Variants in NLGN1 observed in about 807,000 individuals in gnomAD.
NLGN1 encodes the protein neuroligin 1, also known as neuroligin-1.
NLGN1 carries 12 observed loss-of-function variants against 65.5 expected under a neutral mutation model. That is an observed-to-expected ratio of 0.18 (90% CI 0.12 to 0.30). The LOEUF is 0.30. Ranked by LOEUF, NLGN1 falls within the 10% of genes least tolerant of loss-of-function variation. The pLI, the probability that NLGN1 is intolerant of heterozygous loss-of-function variation, is 1.00. For synonymous variants in NLGN1, 350 were observed against 359.5 expected (o/e 0.97, Z 0.30); for missense variants, 750 against 1,007.1 (o/e 0.74, Z 3.46).
At chr3:173,849,007 C>T (rs1368482022) in intron 4 of NLGN1, among the ~76,000 whole-genome samples, 2 of 152,026 alleles carry the variant, frequency 1.3e-5, no homozygotes, top group Admixed American at 6.6e-5. Flanking sequence ...CTGGAGACTC[C>T]ATAACCTTCT....
In NLGN1 at chr3:174,043,159, C is replaced by G. The variant is rs1732737640; in HGVS notation, c.647-232156C>G. Reference sequence around the variant, plus strand: ...AGCTTTTCCCATGATTCAGTTACCTCCACCTGATCCCTCCCACGACATGTG... The same window carrying G: ...AGCTTTTCCCATGATTCAGTTACCTGCACCTGATCCCTCCCACGACATGTG... On this transcript the variant is annotated intron_variant, in intron 4 of 6. Coordinates refer to ENST00000457714, the Ensembl canonical transcript of NLGN1. 2.0e-5 allele frequency among the ~76,000 whole-genome samples: 3 copies of G among 152,176 alleles called. No homozygotes were observed. In the South Asian group the frequency reaches 6.2e-4, roughly 32 times the overall value.
intron 4 of NLGN1, among the ~76,000 whole-genome samples, chr3:173,876,073 GT>G (rs988918624): frequency 1.3e-5 from 2 of 152,232 alleles, no homozygotes; most frequent in African/African-American, 2.4e-5. Context: ...AAGTATAGCA[GT>G]AGTGATAAAG....
intron 2 of NLGN1, among the ~76,000 whole-genome samples, chr3:173,486,447 C>T (rs761646868): frequency 9.2e-5 from 14 of 152,124 alleles, no homozygotes; most frequent in South Asian, 2.1e-4. Flanking sequence ...GCACAAAAAA[C>T]GCTCAGAACC....
At chr3:174,105,751 AT>A (rs887040899) in intron 4 of NLGN1, among the ~76,000 whole-genome samples, 8 of 151,814 alleles carry the variant, frequency 5.3e-5, no homozygotes, top group African/African-American at 1.9e-4. Context: ...GCATTTCCAC[AT>A]TTTACCTAAT....
intron 4 of NLGN1, among the ~76,000 whole-genome samples, chr3:173,847,548 T>A (rs1373461709): frequency 6.6e-5 from 10 of 152,220 alleles, no homozygotes; most frequent in Admixed American, 6.5e-5. Flanking sequence ...TGTATTCTAT[T>A]ATTTTACACA....
intron 4 of NLGN1, among the ~76,000 whole-genome samples, chr3:174,049,271 A>G (rs896182284): frequency 9.2e-5 from 14 of 152,020 alleles, no homozygotes; most frequent in African/African-American, 3.4e-4. Flanking sequence ...TTGAGACTCA[A>G]TAATTCTAGA....
intron 2 of NLGN1, among the ~76,000 whole-genome samples, chr3:173,541,346 G>T (rs1304277303): frequency 6.6e-6 from 1 of 152,066 alleles, no homozygotes; most frequent in Non-Finnish European, 1.5e-5. Context: ...ACATTTATTA[G>T]ATTTGAAAGT....
intron 4 of NLGN1, among the ~76,000 whole-genome samples, chr3:173,914,536 T>TAC (rs10576275): frequency 0.19 from 27,266 of 142,254 alleles, 3,018 homozygotes; most frequent in East Asian, 0.41. Flanking sequence ...CATCTATACA[T>TAC]ACACACACAC....
chr3:173,696,807 G>C (rs1473400929), intron 3 of NLGN1, among the ~76,000 whole-genome samples: 1 of 152,154 alleles, frequency 6.6e-6, no homozygotes, highest in Non-Finnish European at 1.5e-5. Flanking sequence ...AAATTTCTAT[G>C]AACTAGCCAC....
chr3:174,130,197 A>AGGTTTCCTTGTTGG (rs1719865866), intron 4 of NLGN1, among the ~76,000 whole-genome samples: 2 of 152,118 alleles, frequency 1.3e-5, no homozygotes, highest in African/African-American at 4.8e-5. Flanking sequence ...CAACAAGGAA[A>AGGTTTCCTTGTTGG]CCCCGTCTCT....
chr3:173,834,368 T>A (rs1303068445), intron 4 of NLGN1, among the ~76,000 whole-genome samples: 1 of 152,176 alleles, frequency 6.6e-6, no homozygotes, highest in Non-Finnish European at 1.5e-5. Context: ...TTTTACTTTA[T>A]ATATTTTAAA....
rs75373452 is a variant in NLGN1 at position 173,961,738 on chromosome 3, G to A, written c.646+153906G>A. On this transcript the variant is annotated intron_variant, in intron 4 of 6. Coordinates refer to ENST00000457714, the Ensembl canonical transcript of NLGN1. ...GTTAGACCTTGAATGTCAGATATGA[G>A]GATTCAAGCTTCTAATGATTCTTCC... Among the ~76,000 whole-genome samples, 139 of 152,078 alleles carry A rather than the reference G, an allele frequency of 9.1e-4. 2 individuals carry two copies. The East Asian group carries it at 0.024, about 26-fold the overall frequency.
intron 4 of NLGN1, among the ~76,000 whole-genome samples, chr3:173,913,902 G>A (rs531530264): frequency 1.3e-5 from 2 of 152,248 alleles, no homozygotes; most frequent in East Asian, 1.9e-4. Context: ...TGGAAATTCT[G>A]TTAGTCATTA....
At chr3:173,963,921 T>G (rs991285148) in intron 4 of NLGN1, among the ~76,000 whole-genome samples, 1 of 152,050 alleles carries the variant, frequency 6.6e-6, no homozygotes, top group African/African-American at 2.4e-5. Context: ...AGCATGGGTG[T>G]GCAGAGATTA....
chr3:173,595,895 C>A (rs1192324597), intron 2 of NLGN1, among the ~76,000 whole-genome samples: 1 of 152,160 alleles, frequency 6.6e-6, no homozygotes, highest in African/African-American at 2.4e-5. Flanking sequence ...GAAACCACCC[C>A]CATGATTCAA....
intron 4 of NLGN1, among the ~76,000 whole-genome samples, chr3:174,090,371 G>A (rs1450421268): frequency 6.6e-6 from 1 of 152,130 alleles, no homozygotes; most frequent in Non-Finnish European, 1.5e-5. Context: ...TACTTGGGGT[G>A]CTGAGGCAGG....
intron 4 of NLGN1, among the ~76,000 whole-genome samples, chr3:174,060,955 A>G (rs1737273690): frequency 6.6e-6 from 1 of 152,102 alleles, no homozygotes. Context: ...TGTTGAGGGT[A>G]GCTTACCATA....
At chr3:173,777,348 A>G (rs909115115) in intron 3 of NLGN1, among the ~76,000 whole-genome samples, 14 of 151,902 alleles carry the variant, frequency 9.2e-5, no homozygotes, top group African/African-American at 3.4e-4. Context: ...GTAAGTGAAC[A>G]TTGAAATGAC....
intron 4 of NLGN1, among the ~76,000 whole-genome samples, chr3:173,956,999 A>G (rs1023606162): frequency 2.6e-5 from 4 of 152,146 alleles, no homozygotes; most frequent in Non-Finnish European, 5.9e-5. Context: ...TGAACATTAT[A>G]AAATGGTGAT....
Sources: allele counts gnomAD v4.1 joint callset (sites outside exome capture counted in the v4.1 genomes callset), GRCh38; gene constraint gnomAD v4.1.1; transcripts MANE v1.5; gene names NCBI Gene and HGNC (gene_info 2026-07-23, HGNC 2026-07-21).